Variants in PIK3R1 observed in about 807,000 individuals in gnomAD.
PIK3R1 encodes the protein phosphoinositide-3-kinase regulatory subunit 1.
Under a neutral mutation model 98.0 loss-of-function variants are expected in PIK3R1, and 29 were observed. The ratio of observed to expected loss-of-function variants is 0.30; its 90% confidence interval spans 0.22 to 0.40. The LOEUF (loss-of-function observed/expected upper bound fraction) is 0.40, where lower values mean the gene tolerates loss of function less well. Among genes scored for constraint, PIK3R1 ranks in the 10% least tolerant of loss-of-function variants. PIK3R1 has a pLI of 1.00. For missense variants in PIK3R1, 596 were observed against 872.7 expected, an observed-to-expected ratio of 0.68 and a Z score of 3.99; for synonymous variants, 282 against 311.8, an observed-to-expected ratio of 0.90 and a Z score of 1.01.
intron 2 of PIK3R1, among the ~76,000 whole-genome samples, chr5:68,239,139 T>G (rs1185673070): frequency 6.6e-6 from 1 of 152,216 alleles, no homozygotes; most frequent in Admixed American, 6.5e-5. Context: ...AACCTCTTGT[T>G]CACGTGGGAG....
rs1057155499 is a variant in PIK3R1 at position 68,291,499 on chromosome 5, G to A, written c.917-760G>A. On this transcript the variant is annotated intron_variant, in intron 7 of 15. Coordinates refer to ENST00000521381, the MANE Select transcript of PIK3R1 (RefSeq NM_181523.3). ...CCTAAGTAAGTTGTTTTATTCCAATGTTAGCTCTCCCCCTGCCCCCATTTA... is the reference window on the plus strand; with the variant it reads ...CCTAAGTAAGTTGTTTTATTCCAATATTAGCTCTCCCCCTGCCCCCATTTA... The A allele has an allele frequency of 4.6e-5, 7 of 150,706 alleles. No homozygotes were observed. The East Asian group carries it at 1.3e-3, about 29-fold the overall frequency. 9.3% of individuals were successfully genotyped at this position (150,706 alleles called of 1,614,324 possible).
At chr5:68,290,662 A>T in intron 7 of PIK3R1, 3 of 1,548,894 alleles carry the variant, frequency 1.9e-6, no homozygotes, top group Middle Eastern at 3.4e-4. Flanking sequence ...GAATTCCAAG[A>T]CACCATTACA....
At chr5:68,288,482 G>T in intron 7 of PIK3R1, 2 of 1,305,770 alleles carry the variant, frequency 1.5e-6, no homozygotes, top group Non-Finnish European at 1.9e-6. Context: ...TGGCCCGGAC[G>T]CACTGCCGGG....
In PIK3R1 at chr5:68,226,614, C is replaced by A; in HGVS notation, c.-62C>A. Reference sequence around the variant, plus strand: ...TCTCTGAATTCACTTTTCATAAAAACGTAAAATCAGACTGCTCTGTACAAC... The same window carrying A: ...TCTCTGAATTCACTTTTCATAAAAAAGTAAAATCAGACTGCTCTGTACAAC... On this transcript the variant is annotated 5_prime_UTR_variant, in exon 2 of 16. Transcript: ENST00000521381. The A allele has an allele frequency of 7.5e-7, 1 of 1,332,094 alleles. No homozygotes were observed. Among genetic ancestry groups the A allele is most frequent in the Non-Finnish European group, 1.1e-6 (1 of 948,160 alleles). 82.5% of individuals were successfully genotyped at this position (1,332,094 alleles called of 1,614,324 possible). A position where few individuals can be genotyped will look rare whatever the true frequency, so the allele number is the denominator to read the frequency against.
At chr5:68,297,278 AGGTGTCAGTTG>A (rs1747774757) in intron 15 of PIK3R1, 123 bp from the exon 16 acceptor site, 1 of 665,868 alleles carries the variant, frequency 1.5e-6, no homozygotes, top group Admixed American at 2.8e-5. Flanking sequence ...GCACTCGGCC[AGGTGTCAGTTG>A]TAACCTAGGA....
intron 5 of PIK3R1, 110 bp from the exon 6 acceptor site, chr5:68,280,418 A>G (rs1254195488): frequency 1.2e-5 from 9 of 747,110 alleles, no homozygotes; most frequent in Non-Finnish European, 1.8e-5. Context: ...AACTTTTTAA[A>G]TGACTCCTAT....
At chr5:68,243,086 T>C (rs1744930865) in intron 2 of PIK3R1, among the ~76,000 whole-genome samples, 1 of 152,132 alleles carries the variant, frequency 6.6e-6, no homozygotes, top group Non-Finnish European at 1.5e-5. Flanking sequence ...GGGACTTCTT[T>C]CCTGCCAGAA....
At position 68,299,629 on chromosome 5, in the gene PIK3R1, T is replaced by C. The variant is rs1180080765; in HGVS notation, c.*2028T>C. The stretch of plus-strand genomic sequence containing the variant: ...TAAATGAAATCTTGCAATTTCAAAT[T>C]ACTCTTTCTCCATATTAGATTTACC... On this transcript the variant is annotated 3_prime_UTR_variant, in exon 16 of 16. Coordinates refer to ENST00000521381, the MANE Select transcript of PIK3R1 (RefSeq NM_181523.3). 8.6e-6 allele frequency: 2 copies of C among 233,118 alleles called. No homozygotes were observed. Among genetic ancestry groups the C allele is most frequent in the Non-Finnish European group, 1.7e-5 (2 of 118,020 alleles). The allele number at this position is 233,118 out of a possible 1,614,324, so 14.4% of individuals were successfully genotyped here.
chr5:68,282,327 AT>A, intron 7 of PIK3R1, among the ~76,000 whole-genome samples: 2 of 152,152 alleles, frequency 1.3e-5, no homozygotes, highest in East Asian at 3.9e-4. Flanking sequence ...GTGGAAAAGA[AT>A]TGGGGTAGGG....
chr5:68,280,064 G>A (rs1746760893), intron 5 of PIK3R1, among the ~76,000 whole-genome samples: 1 of 152,180 alleles, frequency 6.6e-6, no homozygotes, highest in South Asian at 2.1e-4. Flanking sequence ...ATCCAGTGAT[G>A]GGGGATGTTC....
chr5:68,292,705 G>A (rs1747460772), intron 8 of PIK3R1: 2 of 1,273,762 alleles, frequency 1.6e-6, no homozygotes, highest in South Asian at 3.3e-5. Context: ...GCCATTTTAT[G>A]TTAGCTTTGG....
rs918330287 is a variant in PIK3R1, at chr5:68,298,558, T to A, written c.*957T>A. The A allele has an allele frequency of 8.8e-6, 2 of 226,944 alleles. No individual in the cohort carries two copies. Among genetic ancestry groups the A allele is most frequent in the African/African-American group, 4.8e-5 (2 of 41,436 alleles). The allele number at this position is 226,944 out of a possible 1,614,324, so 14.1% of individuals were successfully genotyped here. On this transcript the variant is annotated 3_prime_UTR_variant, in exon 16 of 16. Coordinates refer to ENST00000521381, the MANE Select transcript of PIK3R1 (RefSeq NM_181523.3). Reference sequence around the variant, plus strand: ...TGTTATCCTTTTTTAAAAGTAAATGTACAGGATGCCAGTAAAAAAAAAAAA... The same window carrying A: ...TGTTATCCTTTTTTAAAAGTAAATGAACAGGATGCCAGTAAAAAAAAAAAA...
At chr5:68,245,291 T>G (rs1745039677) in intron 2 of PIK3R1, among the ~76,000 whole-genome samples, 2 of 152,220 alleles carry the variant, frequency 1.3e-5, no homozygotes, top group Admixed American at 1.3e-4. Context: ...TTGGAAAGTT[T>G]AAGAATTTAG....
intron 1 of PIK3R1, among the ~76,000 whole-genome samples, chr5:68,219,711 A>G (rs2111931131): frequency 6.6e-6 from 1 of 152,356 alleles, no homozygotes; most frequent in Admixed American, 6.5e-5. Context: ...TATTTTAGCT[A>G]GATTCAGGAT....
chr5:68,251,762 ATGTT>A (rs1745318060), intron 2 of PIK3R1, among the ~76,000 whole-genome samples: 1 of 152,166 alleles, frequency 6.6e-6, no homozygotes, highest in Non-Finnish European at 1.5e-5. Context: ...TTTAAACAAA[ATGTT>A]TGTATTTCCC....
At chr5:68,225,785 C>T (rs1407178848) in intron 1 of PIK3R1, among the ~76,000 whole-genome samples, 4 of 152,160 alleles carry the variant, frequency 2.6e-5, no homozygotes, top group African/African-American at 9.7e-5. Context: ...TCCTACAGCC[C>T]CTACCTAAAT....
intron 5 of PIK3R1, chr5:68,280,290 C>T (rs571906251): frequency 1.9e-4 from 107 of 549,190 alleles, no homozygotes; most frequent in African/African-American, 1.9e-3. Flanking sequence ...ACACCCTGAA[C>T]AGCTTGTGGT....
At chr5:68,269,786 G>A (rs1303628997) in intron 2 of PIK3R1, among the ~76,000 whole-genome samples, 1 of 151,614 alleles carries the variant, frequency 6.6e-6, no homozygotes, top group Non-Finnish European at 1.5e-5. Flanking sequence ...TTTTTGGGTA[G>A]AACTTTCACA....
intron 2 of PIK3R1, among the ~76,000 whole-genome samples, chr5:68,266,412 T>C (rs1438969151): frequency 6.6e-6 from 1 of 152,222 alleles, no homozygotes; most frequent in African/African-American, 2.4e-5. Context: ...GGGGCTCCTA[T>C]TGCTTTTCCA....
Sources: gnomAD v4.1 joint callset for allele counts (sites outside exome capture counted in the v4.1 genomes callset) on GRCh38, gnomAD v4.1.1 for gene constraint, MANE v1.5 for transcripts, NCBI Gene and HGNC (gene_info 2026-07-23, HGNC 2026-07-21) for gene names.